TUT4: variants seen among roughly 807,000 people sequenced by gnomAD.
TUT4 encodes the protein terminal uridylyl transferase 4.
Under a neutral mutation model 192.2 loss-of-function variants are expected in TUT4, and 36 were observed. The observed-to-expected ratio is 0.19, with a 90% CI of 0.14 to 0.25. The LOEUF (loss-of-function observed/expected upper bound fraction) is 0.25. Among genes scored for constraint, TUT4 ranks in the 10% least tolerant of loss-of-function variants. TUT4 has a pLI of 1.00. For missense variants in TUT4, 1,493 were observed against 1,957.2 expected (o/e 0.76, Z 4.47); for synonymous variants, 618 against 666.0 (o/e 0.93, Z 1.11).
At chr1:52,473,542 C>T (rs186830277) in intron 13 of TUT4, among the ~76,000 whole-genome samples, 4 of 152,222 alleles carry the variant, frequency 2.6e-5, no homozygotes, top group Admixed American at 6.5e-5. Flanking sequence ...CAGTTGTAGA[C>T]ATTAAATATC....
chr1:52,482,773 T>C (rs1668828658), intron 9 of TUT4, among the ~76,000 whole-genome samples: 1 of 152,184 alleles, frequency 6.6e-6, no homozygotes, highest in Non-Finnish European at 1.5e-5. Context: ...TAGTCTATGA[T>C]ATGGATGGTT....
chr1:52,518,011 G>C (rs559793656), intron 2 of TUT4, among the ~76,000 whole-genome samples: 1 of 152,226 alleles, frequency 6.6e-6, no homozygotes, highest in South Asian at 2.1e-4. Context: ...TAATTTTCTG[G>C]AATCAACATA....
intron 20 of TUT4, among the ~76,000 whole-genome samples, chr1:52,450,377 C>T (rs1659007299): frequency 1.3e-5 from 2 of 152,074 alleles, no homozygotes; most frequent in Admixed American, 6.6e-5. Context: ...CACAAAGTCC[C>T]CCGAAATCAA....
intron 2 of TUT4, among the ~76,000 whole-genome samples, chr1:52,516,462 A>G (rs1185403841): frequency 6.6e-6 from 1 of 152,224 alleles, no homozygotes; most frequent in Non-Finnish European, 1.5e-5. Context: ...TTAAAACAAC[A>G]TATGTATACT....
At chr1:52,551,190 T>A (rs1689333830) in intron 1 of TUT4, among the ~76,000 whole-genome samples, 1 of 152,236 alleles carries the variant, frequency 6.6e-6, no homozygotes, top group African/African-American at 2.4e-5. Flanking sequence ...CATGACAATA[T>A]TTGTTAATTT....
Position 52,474,844 on chromosome 1 carries a change from T to G in TUT4, c.2715A>C (p.Leu905Phe). 6.2e-7 allele frequency: 1 copy of G among 1,600,592 alleles called. No individual in the cohort carries two copies. The highest frequency in any genetic ancestry group is 8.5e-7 in the Non-Finnish European group (1 of 1,174,414). ...AACTGTATCCTACCTTGCCAGAGGT[T>G]AAAATAAACTTATCAAACACATAAT... ...ELYYVFDKFI[L>F]TSGKPPTIVC... Residue 905 changes from leucine (L) to phenylalanine (F), a missense_variant, in exon 13 of 30, where the codon TTA becomes TTC. Coordinates refer to ENST00000257177, the MANE Select transcript of TUT4 (RefSeq NM_001009881.3).
At chr1:52,450,667 C>T in intron 20 of TUT4, among the ~76,000 whole-genome samples, 1 of 151,986 alleles carries the variant, frequency 6.6e-6, no homozygotes, top group Non-Finnish European at 1.5e-5. Context: ...GAAATATTAT[C>T]ATTATTACAT....
rs991430248 is a variant in TUT4, at chr1:52,436,701, C to T, written c.4162+54G>A. 1.9e-6 allele frequency: 3 copies of T among 1,605,316 alleles called. No individual in the cohort carries two copies. In the Admixed American group the frequency reaches 5.1e-5, roughly 27 times the overall value. ...GAATTAGGGTCATTTAGCATGCAAG[C>T]AACATAAATGACTTCGTTTCTACCA... On this transcript the variant is annotated intron_variant, in intron 26 of 29. Coordinates refer to ENST00000257177, the MANE Select transcript of TUT4 (RefSeq NM_001009881.3).
Position 52,436,902 on chromosome 1 carries a change from C to T in TUT4, c.4015G>A (p.Asp1339Asn). The change falls in exon 26 of 30, where the codon GAT becomes AAT. Residue 1339 changes from aspartate to asparagine, a missense_variant. By Grantham distance (23) the Asp-to-Asn change is conservative. Transcript: ENST00000257177. ...EGNEEEKDSRDVLDPRDLHDT... is the reference protein window; with the variant it reads ...EGNEEEKDSRNVLDPRDLHDT... ...TGGAGGTCTCGGGGGTCAAGAACAT[C>T]TCGGGAATCTTTCTCTTCTTCATTC... 2.6e-6 allele frequency: 4 copies of T among 1,541,238 alleles called. No homozygotes were observed. Among genetic ancestry groups the T allele is most frequent in the Non-Finnish European group, 2.6e-6 (3 of 1,145,548 alleles).
intron 4 of TUT4, among the ~76,000 whole-genome samples, chr1:52,498,531 A>C (rs142923951): frequency 4.3e-4 from 65 of 151,826 alleles, no homozygotes; most frequent in African/African-American, 1.5e-3. Context: ...GGCGTGAGCC[A>C]CAGCGCCCGG....
At chr1:52,472,865 T>G (rs1302608025) in intron 13 of TUT4, among the ~76,000 whole-genome samples, 1 of 152,106 alleles carries the variant, frequency 6.6e-6, no homozygotes, top group Non-Finnish European at 1.5e-5. Flanking sequence ...CATCCTAAAG[T>G]GTCTTTCTCC....
intron 16 of TUT4, chr1:52,462,603 T>G: frequency 4.8e-6 from 2 of 412,744 alleles, no homozygotes; most frequent in Non-Finnish European, 6.5e-6. Context: ...CCTGCAGAGC[T>G]GTTGGGAGGA....
rs201282650 is a variant in TUT4 at position 52,475,349 on chromosome 1, T to C, written c.2210A>G (p.Lys737Arg). ...KGKISNKKPV[K>R]SNNMATNGCI... The stretch of plus-strand genomic sequence containing the variant: ...ACCATTGGTTGCCATATTGTTCGAC[T>C]TGACTGGTTTCTTATTGCTTATTTT... Residue 737 changes from lysine (K) to arginine (R), a missense_variant, in exon 13 of 30, where the codon AAG becomes AGG. Physicochemically the swap from Lys to Arg is conservative, Grantham distance 26. This residue lies in a region of TUT4 where 245 missense variants were observed against 218.4 expected (regional missense o/e 1.12). Coordinates refer to ENST00000257177, the MANE Select transcript of TUT4 (RefSeq NM_001009881.3). 34 of 1,614,194 alleles carry C rather than the reference T, an allele frequency of 2.1e-5. No homozygotes were observed. The East Asian group carries it at 6.0e-4, about 29-fold the overall frequency.
At chr1:52,498,964 T>A (rs1376589469) in intron 4 of TUT4, among the ~76,000 whole-genome samples, 1 of 95,986 alleles carries the variant, frequency 1.0e-5, no homozygotes, top group Non-Finnish European at 2.0e-5. Context: ...ATATATGACA[T>A]TTTTCACAGA....
rs534143545 is a variant in TUT4, at chr1:52,482,107, T to C, written c.1516-184A>G. 5.5e-3 allele frequency among the ~76,000 whole-genome samples: 833 copies of C among 152,264 alleles called. 5 individuals are homozygous for C. The highest frequency in any genetic ancestry group is 0.02 in the South Asian group (95 of 4,830). ...AAAATGTTGATGATCATTTTTTTCA[T>C]TCTTTTTAAAATTCATACAAAGATA... On this transcript the variant is annotated intron_variant, in intron 9 of 29. Transcript: ENST00000257177.
rs565478919 is a variant in TUT4 at position 52,497,163 on chromosome 1, C to T, written c.1020G>A (p.Glu340=). The change falls in exon 5 of 30, where the codon GAG becomes GAA. Residue 340 remains glutamate (E), a synonymous_variant. Transcript: ENST00000257177. ...KNILEKQEES[E]LRSLPPPSPA... ...GGGAAGGAGGTGGCAGAGAACGAAGCTCACTTTCTTCTTGTTTTTCCTATT... is the reference window on the plus strand; with the variant it reads ...GGGAAGGAGGTGGCAGAGAACGAAGTTCACTTTCTTCTTGTTTTTCCTATT... 1 of 1,603,662 alleles carries T rather than the reference C, an allele frequency of 6.2e-7. No homozygotes were observed. Among genetic ancestry groups the T allele is most frequent in the South Asian group, 1.1e-5 (1 of 88,658 alleles).
intron 25 of TUT4, chr1:52,437,192 A>T (rs1467530248): frequency 3.9e-6 from 2 of 512,776 alleles, no homozygotes; most frequent in East Asian, 3.4e-5. Flanking sequence ...TAAATTTTTT[A>T]AAATACCAAA....
At chr1:52,435,510 G>A (rs1206534929) in intron 26 of TUT4, 45 bp from the exon 27 acceptor site, 2 of 1,428,052 alleles carry the variant, frequency 1.4e-6, no homozygotes, top group South Asian at 1.2e-5. Flanking sequence ...AAGGAAAGTA[G>A]CAGAGAAATG....
chr1:52,431,604 A>C (rs1340119466), intron 27 of TUT4, 144 bp from the exon 28 acceptor site: 1 of 628,322 alleles, frequency 1.6e-6, no homozygotes, highest in Non-Finnish European at 2.4e-6. Flanking sequence ...TTCCCAAGGT[A>C]CTCAAACCCC....
Sources: allele counts gnomAD v4.1 joint callset (sites outside exome capture counted in the v4.1 genomes callset), GRCh38; gene constraint gnomAD v4.1.1; regional missense constraint gnomAD v4.1.1; transcripts MANE v1.5; gene names NCBI Gene and HGNC (gene_info 2026-07-23, HGNC 2026-07-21).